Variants in RGSL1 observed in about 807,000 individuals in gnomAD.
The protein encoded by RGSL1 is regulator of G protein signaling like 1.
Under a neutral mutation model 124.7 loss-of-function variants are expected in RGSL1, and 97 were observed. That is an observed-to-expected ratio of 0.78 (90% CI 0.66 to 0.92). The LOEUF is 0.92. Among genes scored for constraint, RGSL1 ranks in the 40% least tolerant of loss-of-function variants. RGSL1 has a pLI of 0.00. For synonymous variants in RGSL1, 424 were observed against 438.1 expected, an observed-to-expected ratio of 0.97 and a Z score of 0.40; for missense variants, 1,233 against 1,288.4, an observed-to-expected ratio of 0.96 and a Z score of 0.66.
intron 9 of RGSL1, among the ~76,000 whole-genome samples, chr1:182,502,196 G>A (rs1035625565): frequency 1.8e-4 from 27 of 151,732 alleles, no homozygotes; most frequent in Admixed American, 1.4e-3. Context: ...TTTTGTTGAC[G>A]GTCTCTATTG....
chr1:182,454,848 C>T (rs893330811), intron 2 of RGSL1, among the ~76,000 whole-genome samples: 1 of 152,182 alleles, frequency 6.6e-6, no homozygotes, highest in African/African-American at 2.4e-5. Flanking sequence ...GGTTTAAATC[C>T]TTGGTGACAT....
chr1:182,490,211 A>T (rs1380433632), intron 8 of RGSL1, among the ~76,000 whole-genome samples: 1 of 152,174 alleles, frequency 6.6e-6, no homozygotes, highest in Non-Finnish European at 1.5e-5. Context: ...AAACATGGAT[A>T]AAGAGTGAGC....
At chr1:182,548,142 TG>T (rs1473349995) in intron 15 of RGSL1, among the ~76,000 whole-genome samples, 174 bp from the exon 16 acceptor site, 1 of 152,232 alleles carries the variant, frequency 6.6e-6, no homozygotes, top group East Asian at 1.9e-4. Context: ...ATCTGACCTG[TG>T]ATAAGTGCTC....
intron 4 of RGSL1, among the ~76,000 whole-genome samples, chr1:182,468,907 C>T (rs950124376): frequency 1.8e-4 from 28 of 152,070 alleles, no homozygotes; most frequent in Non-Finnish European, 4.0e-4. Flanking sequence ...GGTGCCAAGA[C>T]CATTCAATGG....
At chr1:182,455,874 G>C (rs1652276594) in intron 2 of RGSL1, among the ~76,000 whole-genome samples, 1 of 152,206 alleles carries the variant, frequency 6.6e-6, no homozygotes, top group South Asian at 2.1e-4. Context: ...GCCATCGAAG[G>C]ATTTGAAGTA....
intron 9 of RGSL1, among the ~76,000 whole-genome samples, chr1:182,501,055 G>A (rs1656316151): frequency 6.6e-6 from 1 of 152,102 alleles, no homozygotes; most frequent in Non-Finnish European, 1.5e-5. Flanking sequence ...AAGAAGGCAT[G>A]CTTGTCTTCT....
In RGSL1 at chr1:182,548,704, A is replaced by G. The variant is rs1448675042; in HGVS notation, c.2813A>G (p.Asn938Ser). ...AGGCTCCCACTCTGTGGGTAGGTGAATGTCCCTGAGTTCCAGAAGGATGCC... is the reference window on the plus strand; with the variant it reads ...AGGCTCCCACTCTGTGGGTAGGTGAGTGTCCCTGAGTTCCAGAAGGATGCC... ...NSDIPPKLRV[N>S]VPEFQKDAIL... The change falls in exon 17 of 22, where the codon AAT (asparagine) becomes AGT (serine). Residue 938 changes from asparagine to serine, a missense_variant. Coordinates refer to ENST00000294854, the MANE Select transcript of RGSL1 (RefSeq NM_001137669.2). The G allele has an allele frequency of 4.5e-6, 7 of 1,551,530 alleles. No homozygotes were observed. Among genetic ancestry groups the G allele is most frequent in the South Asian group, 2.4e-5 (2 of 84,042 alleles).
intron 15 of RGSL1, among the ~76,000 whole-genome samples, chr1:182,542,151 A>G (rs565075544): frequency 2.4e-4 from 36 of 152,204 alleles, no homozygotes; most frequent in Middle Eastern, 3.4e-3. Context: ...GCCCAAACCA[A>G]TGTCCTGCCA....
At chr1:182,509,555 T>C (rs1657178373) in intron 9 of RGSL1, among the ~76,000 whole-genome samples, 1 of 97,312 alleles carries the variant, frequency 1.0e-5, no homozygotes, top group Non-Finnish European at 2.1e-5. Flanking sequence ...CGCCCCCATC[T>C]CCCTCCCGGA....
intron 6 of RGSL1, among the ~76,000 whole-genome samples, chr1:182,485,628 A>G (rs964596495): frequency 1.3e-5 from 2 of 152,146 alleles, no homozygotes; most frequent in African/African-American, 2.4e-5. Context: ...CCCTTCTCTC[A>G]TTGTACAGCT....
intron 1 of RGSL1, 54 bp downstream of exon 1, chr1:182,450,232 AC>A (rs1571442126): frequency 7.1e-6 from 11 of 1,546,224 alleles, no homozygotes; most frequent in Non-Finnish European, 8.8e-6. Context: ...AATAAGGCAA[AC>A]CATTCATCTT....
In RGSL1 at chr1:182,548,358, A is replaced by G; in HGVS notation, c.2711A>G (p.Asn904Ser). 1 of 1,552,076 alleles carries G rather than the reference A, an allele frequency of 6.4e-7. No individual in the cohort carries two copies. Among genetic ancestry groups the G allele is most frequent in the Non-Finnish European group, 8.7e-7 (1 of 1,147,050 alleles). ...AGTTCAGCCCACATGCTGCAGGTCA[A>G]CCGGGCATATAATGAGAATGATGTG... The part of the protein sequence containing the change: ...LVSSAHMLQV[N>S]RAYNENDVIL... The change falls in exon 16 of 22, where the codon AAC (asparagine) becomes AGC (serine). Residue 904 changes from asparagine (N) to serine (S), a missense_variant. By Grantham distance (46) the Asn-to-Ser change is conservative. Coordinates refer to ENST00000294854, the MANE Select transcript of RGSL1 (RefSeq NM_001137669.2).
chr1:182,532,042 T>C (rs572477111), intron 13 of RGSL1, among the ~76,000 whole-genome samples: 5 of 152,310 alleles, frequency 3.3e-5, no homozygotes, highest in African/African-American at 1.2e-4. Context: ...TGTTTCCCTC[T>C]CTGTAGACTG....
intron 9 of RGSL1, among the ~76,000 whole-genome samples, chr1:182,504,714 G>A (rs947563795): frequency 1.3e-5 from 2 of 152,014 alleles, no homozygotes; most frequent in African/African-American, 2.4e-5. Context: ...TCTTAGTTCT[G>A]TTAGCCTGTG....
intron 9 of RGSL1, among the ~76,000 whole-genome samples, chr1:182,520,742 A>G (rs574035748): frequency 2.0e-5 from 3 of 152,060 alleles, no homozygotes; most frequent in Non-Finnish European, 2.9e-5. Context: ...TCCATAGTCT[A>G]GATTTTCTTT....
At chr1:182,550,408 C>G (rs1371475292) in intron 17 of RGSL1, 2 of 152,234 alleles carry the variant, frequency 1.3e-5, no homozygotes, top group Non-Finnish European at 2.9e-5. Context: ...AGGAGGGCAG[C>G]AGGCAAAACC....
chr1:182,548,511 A>G (rs1660363597), intron 16 of RGSL1, 56 bp downstream of exon 16: 1 of 1,545,180 alleles, frequency 6.5e-7, no homozygotes, highest in Non-Finnish European at 8.7e-7. Flanking sequence ...TTCCCCCACA[A>G]GGACAATTAG....
chr1:182,541,857 T>C (rs906870395), intron 15 of RGSL1, among the ~76,000 whole-genome samples: 6 of 152,200 alleles, frequency 3.9e-5, no homozygotes, highest in Admixed American at 1.3e-4. Context: ...ATATACCTGT[T>C]GGGCATTTGT....
At chr1:182,551,650 G>A in intron 18 of RGSL1, among the ~76,000 whole-genome samples, 1 of 151,982 alleles carries the variant, frequency 6.6e-6, no homozygotes, top group East Asian at 1.9e-4. Context: ...TTTTATGAAA[G>A]CAGACATATA....
Sources: gnomAD v4.1 joint callset for allele counts (sites outside exome capture counted in the v4.1 genomes callset) on GRCh38, gnomAD v4.1.1 for gene constraint, MANE v1.5 for transcripts, NCBI Gene and HGNC (gene_info 2026-07-23, HGNC 2026-07-21) for gene names.